AHCTF1: variants seen among roughly 807,000 people sequenced by gnomAD.
AHCTF1 encodes the protein AT-hook containing transcription factor 1.
In AHCTF1, 24 loss-of-function variants were observed where a neutral mutation model predicts 248.4. That is an observed-to-expected ratio of 0.10 (90% CI 0.07 to 0.14). AHCTF1 has a LOEUF of 0.14. Among genes scored for constraint, AHCTF1 ranks in the 10% least tolerant of loss-of-function variants. The pLI is 1.00. For missense variants in AHCTF1, 2,206 were observed against 2,636.2 expected (o/e 0.84, Z 3.57); for synonymous variants, 786 against 929.8 (o/e 0.85, Z 2.81).
intron 29 of AHCTF1, 76 bp from the exon 30 acceptor site, chr1:246,857,890 T>A: frequency 7.1e-7 from 1 of 1,404,198 alleles, no homozygotes; most frequent in Non-Finnish European, 9.7e-7. Context: ...TTATTACTTT[T>A]TAAAAAGTTG....
intron 8 of AHCTF1, 50 bp downstream of exon 8, chr1:246,902,475 A>G (rs1665073791): frequency 1.3e-6 from 2 of 1,562,580 alleles, no homozygotes; most frequent in East Asian, 2.3e-5. Flanking sequence ...CACCTGTCAT[A>G]AATTTTAAAT....
intron 24 of AHCTF1, among the ~76,000 whole-genome samples, chr1:246,874,391 C>T (rs1353135021): frequency 6.6e-6 from 1 of 152,142 alleles, no homozygotes; most frequent in African/African-American, 2.4e-5. Context: ...ACTGCTGCTC[C>T]CACTGTAGCC....
At chr1:246,873,902 C>A (rs1662768020) in intron 24 of AHCTF1, among the ~76,000 whole-genome samples, 1 of 152,108 alleles carries the variant, frequency 6.6e-6, no homozygotes, top group South Asian at 2.1e-4. Context: ...CTAAACTATT[C>A]AACGATAGGT....
In AHCTF1 at chr1:246,905,531, T is replaced by C; in HGVS notation, c.881+10A>G. On this transcript the variant is annotated intron_variant, in intron 6 of 35. Transcript: ENST00000648844. Reference sequence around the variant, plus strand: ...AAAACAAAACAAAACAAAGTTTGTATGAGACCTACCTATCTTGTGTAGACT... The same window carrying C: ...AAAACAAAACAAAACAAAGTTTGTACGAGACCTACCTATCTTGTGTAGACT... 6.3e-7 allele frequency: 1 copy of C among 1,596,184 alleles called. No homozygotes were observed. Among genetic ancestry groups the C allele is most frequent in the Admixed American group, 1.7e-5 (1 of 59,838 alleles).
At chr1:246,924,316 A>G (rs2172796) in intron 1 of AHCTF1, among the ~76,000 whole-genome samples, 92,324 of 152,048 alleles carry the variant, frequency 0.61, 30,270 homozygotes, top group African/African-American at 0.87. Context: ...TCATACAATA[A>G]TCTCTATGAA....
intron 27 of AHCTF1, among the ~76,000 whole-genome samples, chr1:246,862,614 A>G (rs1661650173): frequency 6.6e-6 from 1 of 152,216 alleles, no homozygotes; most frequent in African/African-American, 2.4e-5. Flanking sequence ...AAAATACAAA[A>G]TTCTTCCAGA....
rs770210034 is a variant in AHCTF1, at chr1:246,842,753, T to G, written c.6549A>C (p.Glu2183Asp). ...GTTTCGCTTTTGGCTTTCCCAGAGT[T>G]TCTACTGATTGTGCATCATCTTTCT... is the stretch of plus-strand genomic sequence containing the variant. ...DELKDDAQSVETLGKPKAKRI... is the reference protein window; with the variant it reads ...DELKDDAQSVDTLGKPKAKRI... The change falls in exon 35 of 36, where the codon GAA (glutamate) becomes GAC (aspartate). Residue 2183 changes from glutamate (E) to aspartate (D), a missense_variant. Around this residue, in one of 6 missense-constraint regions of AHCTF1, gnomAD observed 469 missense variants for 470.0 expected, o/e 1.00. Coordinates refer to ENST00000648844, the MANE Select transcript of AHCTF1 (RefSeq NM_001323342.2). The G allele has an allele frequency of 6.2e-7, 1 of 1,613,728 alleles. No individual in the cohort carries two copies. Among genetic ancestry groups the G allele is most frequent in the South Asian group, 1.1e-5 (1 of 91,074 alleles).
chr1:246,853,344 AAATC>A (rs1485036954), intron 31 of AHCTF1, 45 bp from the exon 32 acceptor site: 1 of 1,486,300 alleles, frequency 6.7e-7, no homozygotes, highest in Non-Finnish European at 9.2e-7. Context: ...ACTGAAAAAT[AAATC>A]CACACACAAG....
Position 246,891,783 on chromosome 1 carries a change from C to A in AHCTF1, c.1941G>T (p.Glu647Asp). The change falls in exon 15 of 36, where the codon GAG (glutamate) becomes GAT (aspartate). Residue 647 changes from glutamate to aspartate, a missense_variant. Glu to Asp is a conservative substitution (Grantham distance 45). This residue lies in a region of AHCTF1 where 650 missense variants were observed against 870.8 expected (regional missense o/e 0.75). Transcript: ENST00000648844. ...CFASEAREIT[E>D]RGLIDLSNKF... is the part of the protein sequence containing the mutation. ...TTGATAAAACAAAGAGCGTACCTCTCTCAGTGATCTCTCGGGCTTCTGATG... is the reference window on the plus strand; with the variant it reads ...TTGATAAAACAAAGAGCGTACCTCTATCAGTGATCTCTCGGGCTTCTGATG... The A allele has an allele frequency of 6.2e-7, 1 of 1,609,548 alleles. No homozygotes were observed. The highest frequency in any genetic ancestry group is 8.5e-7 in the Non-Finnish European group (1 of 1,178,922).
chr1:246,875,670 A>G (rs1313483865), intron 24 of AHCTF1, among the ~76,000 whole-genome samples: 1 of 152,238 alleles, frequency 6.6e-6, no homozygotes, highest in East Asian at 1.9e-4. Context: ...AGCAGCCATC[A>G]ACATTGAGAC....
rs927340942 is a variant in AHCTF1, at chr1:246,867,329, G to A, written c.3262C>T (p.Pro1088Ser). ...GGAGCTGGGAGCGAATACACTATAGGAGATGGTTCTTCTATTTTAGAACTA... is the reference window on the plus strand; with the variant it reads ...GGAGCTGGGAGCGAATACACTATAGAAGATGGTTCTTCTATTTTAGAACTA... ...FNSSKIEEPS[P>S]IVYSLPAPEL... Residue 1088 changes from proline (P) to serine (S), a missense_variant, in exon 26 of 36, where the codon CCT (proline) becomes TCT (serine). Physicochemically the swap from Pro to Ser is moderately conservative, Grantham distance 74 (BLOSUM62 -1). Coordinates refer to ENST00000648844, the MANE Select transcript of AHCTF1 (RefSeq NM_001323342.2). The A allele has an allele frequency of 2.5e-6, 4 of 1,590,654 alleles. No homozygotes were observed. In the African/African-American group the frequency reaches 5.4e-5, roughly 22 times the overall value.
chr1:246,868,859 T>C (rs1056989923), intron 24 of AHCTF1, among the ~76,000 whole-genome samples: 1 of 149,350 alleles, frequency 6.7e-6, no homozygotes, highest in Non-Finnish European at 1.5e-5. Context: ...TTTTTTTTTT[T>C]TTTGAGATGG....
At chr1:246,844,929 A>G (rs1185569857) in intron 33 of AHCTF1, among the ~76,000 whole-genome samples, 2 of 152,084 alleles carry the variant, frequency 1.3e-5, no homozygotes, top group Non-Finnish European at 2.9e-5. Flanking sequence ...ACTTACTGTG[A>G]GACCAGAATC....
intron 8 of AHCTF1, 25 bp from the exon 9 acceptor site, chr1:246,900,494 A>C: frequency 6.3e-7 from 1 of 1,577,150 alleles, no homozygotes; most frequent in African/African-American, 1.4e-5. Flanking sequence ...TAATTTTTAA[A>C]AACAGAATAA....
intron 21 of AHCTF1, among the ~76,000 whole-genome samples, chr1:246,883,006 C>A (rs1473045159): frequency 6.6e-6 from 1 of 152,210 alleles, no homozygotes; most frequent in Admixed American, 6.5e-5. Flanking sequence ...TTGCTCTTAA[C>A]ATCTTTGCTA....
chr1:246,928,251 C>T (rs1384168398), intron 1 of AHCTF1, among the ~76,000 whole-genome samples: 3 of 150,212 alleles, frequency 2.0e-5, no homozygotes, highest in Non-Finnish European at 2.9e-5. Flanking sequence ...GGCAGTGAGC[C>T]GACATCGCGC....
chr1:246,899,362 A>G (rs1572436107), intron 11 of AHCTF1, 89 bp downstream of exon 11: 4 of 1,097,342 alleles, frequency 3.6e-6, no homozygotes, highest in African/African-American at 1.6e-5. Flanking sequence ...ACAACTGTCA[A>G]TATCACTAAG....
intron 1 of AHCTF1, among the ~76,000 whole-genome samples, chr1:246,926,843 C>T (rs915550856): frequency 8.7e-5 from 13 of 148,882 alleles, no homozygotes; most frequent in Non-Finnish European, 1.6e-4. Context: ...GCAACAAGAG[C>T]GAAACCCCGT....
chr1:246,881,571 T>G (rs1452106937), intron 21 of AHCTF1, among the ~76,000 whole-genome samples: 1 of 152,096 alleles, frequency 6.6e-6, no homozygotes, highest in Non-Finnish European at 1.5e-5. Context: ...GCAAGGAGGT[T>G]CATACCTGTA....
Sources: gnomAD v4.1 joint callset for allele counts (sites outside exome capture counted in the v4.1 genomes callset) on GRCh38, gnomAD v4.1.1 for gene constraint, gnomAD v4.1.1 regional missense constraint, MANE v1.5 for transcripts, NCBI Gene and HGNC (gene_info 2026-07-23, HGNC 2026-07-21) for gene names.